Variants in LITAF observed in about 807,000 individuals in gnomAD.
LITAF encodes lipopolysaccharide-induced tumor necrosis factor-alpha factor.
A neutral mutation model predicts 14.5 loss-of-function variants in LITAF; 9 were observed. The observed-to-expected ratio is 0.62, with a 90% CI of 0.37 to 1.08. The LOEUF is 1.08. Ranked by LOEUF, LITAF falls within the 50% of genes least tolerant of loss-of-function variation. The pLI is 0.01. For synonymous variants in LITAF, 98 were observed against 88.2 expected, an observed-to-expected ratio of 1.11 and a Z score of -0.62; for missense variants, 206 against 213.4, an observed-to-expected ratio of 0.97 and a Z score of 0.22.
At chr16:11,557,370 C>T (rs990557221) in intron 1 of LITAF, among the ~76,000 whole-genome samples, 6 of 152,126 alleles carry the variant, frequency 3.9e-5, no homozygotes, top group East Asian at 1.9e-4. Context: ...GGGCTGGTTA[C>T]AGAGGTATGT....
chr16:11,628,664 G>A (rs2065099718), intron 3 of LITAF, among the ~76,000 whole-genome samples: 1 of 149,264 alleles, frequency 6.7e-6, no homozygotes, highest in African/African-American at 2.4e-5. Flanking sequence ...CACCACGGCT[G>A]GCTAATATTT....
intron 3 of LITAF, among the ~76,000 whole-genome samples, chr16:11,551,112 TGG>T (rs1567234052): frequency 6.6e-6 from 1 of 152,186 alleles, no homozygotes; most frequent in Non-Finnish European, 1.5e-5. Context: ...TTGCCAAAAA[TGG>T]AGTTAAAACT....
At chr16:11,602,704 A>G (rs531391082), upstream of LITAF, among the ~76,000 whole-genome samples, 15 of 150,754 alleles carry the variant, frequency 9.9e-5, no homozygotes, top group African/African-American at 3.7e-4. Context: ...TTTTATTTCT[A>G]TACGAGTGCC....
intron 1 of LITAF, among the ~76,000 whole-genome samples, chr16:11,572,915 T>G (rs919415969): frequency 6.8e-6 from 1 of 146,244 alleles, no homozygotes; most frequent in Non-Finnish European, 1.5e-5. Context: ...GTACCAATTT[T>G]CTGCACATCT....
At position 11,556,570 on chromosome 16, in the gene LITAF, T is replaced by C; in HGVS notation, c.161A>G (p.Lys54Arg). 1 of 1,614,182 alleles carries C rather than the reference T, an allele frequency of 6.2e-7. No individual in the cohort carries two copies. The highest frequency in any genetic ancestry group is 8.5e-7 in the Non-Finnish European group (1 of 1,180,036). The change falls in exon 2 of 4, where the codon AAG becomes AGG. Residue 54 changes from lysine to arginine, a missense_variant. By Grantham distance (26) the Lys-to-Arg change is conservative (BLOSUM62 2). Coordinates refer to ENST00000622633, the MANE Select transcript of LITAF (RefSeq NM_001136472.2). Reference protein sequence around the residue: ...TTGLVTGPDGKGMNPPSYYTQ... With the variant: ...TTGLVTGPDGRGMNPPSYYTQ... ...ATAATACGAAGGAGGATTCATGCCC[T>C]TCCCATCAGGCCCCGTCACAAGCCC...
chr16:11,574,174 T>G (rs569305104), intron 1 of LITAF, among the ~76,000 whole-genome samples: 34 of 152,062 alleles, frequency 2.2e-4, no homozygotes, highest in Non-Finnish European at 4.3e-4. Context: ...CCAGAGCAGC[T>G]AGAACTACAG....
At chr16:11,603,282 C>A (rs371965856), upstream of LITAF, among the ~76,000 whole-genome samples, 62 of 152,308 alleles carry the variant, frequency 4.1e-4, 2 homozygotes, top group Admixed American at 1.2e-3. Flanking sequence ...AGACCTTTAA[C>A]AATCTTTTAG....
intron 1 of LITAF, among the ~76,000 whole-genome samples, chr16:11,593,195 A>C (rs7203442): frequency 0.62 from 93,730 of 150,818 alleles, 30,206 homozygotes; most frequent in African/African-American, 0.8. Flanking sequence ...AATAAAAATA[A>C]AAATACAAAA....
At chr16:11,638,117 T>TCTATATAGATAGATAGATAGATAG (rs1555475731), upstream of LITAF, among the ~76,000 whole-genome samples, 1 of 69,534 alleles carries the variant, frequency 1.4e-5, no homozygotes, top group African/African-American at 9.6e-5. Context: ...TATCTATCTA[T>TCTATATAGATAGATAGATAGATAG]ATAGATAGAT....
intron 1 of LITAF, among the ~76,000 whole-genome samples, chr16:11,592,753 G>A (rs1241694939): frequency 6.6e-6 from 1 of 152,066 alleles, no homozygotes; most frequent in African/African-American, 2.4e-5. Flanking sequence ...AAAAAATTTG[G>A]GGTCGGGCAC....
chr16:11,581,449 C>A (rs953565488), intron 1 of LITAF, among the ~76,000 whole-genome samples: 2 of 152,100 alleles, frequency 1.3e-5, no homozygotes, highest in African/African-American at 4.8e-5. Context: ...GAGTTTGAGA[C>A]CAGCCTGGGT....
chr16:11,550,255 A>G (rs1193948940), intron 3 of LITAF, among the ~76,000 whole-genome samples: 2 of 152,096 alleles, frequency 1.3e-5, no homozygotes, highest in Non-Finnish European at 2.9e-5. Flanking sequence ...AGGCCCAGCT[A>G]ATTTTTTTAT....
intron 2 of LITAF, among the ~76,000 whole-genome samples, chr16:11,555,652 C>G (rs2064256580): frequency 7.7e-6 from 1 of 129,812 alleles, no homozygotes; most frequent in Admixed American, 8.7e-5. Flanking sequence ...TGGTGAGACC[C>G]TGTCTCAAAA....
chr16:11,556,449 C>T, intron 2 of LITAF, 62 bp downstream of exon 2: 2 of 1,458,284 alleles, frequency 1.4e-6, no homozygotes, highest in Non-Finnish European at 1.9e-6. Context: ...TTCGGTCACT[C>T]TCCTGATTCC....
At position 11,553,478 on chromosome 16, in the gene LITAF, C is replaced by T. The variant is rs2064214073; in HGVS notation, c.377+55G>A. 1 of 1,601,374 alleles carries T rather than the reference C, an allele frequency of 6.2e-7. No individual in the cohort carries two copies. The highest frequency in any genetic ancestry group is 1.3e-5 in the African/African-American group (1 of 74,822). Reference sequence around the variant, plus strand: ...GGTGCAGTTGAGAACCCACCCCCGCCAGCACCCAGAGAGAAGGGCAGGATG... The same window carrying T: ...GGTGCAGTTGAGAACCCACCCCCGCTAGCACCCAGAGAGAAGGGCAGGATG... On this transcript the variant is annotated intron_variant, in intron 3 of 3. Coordinates refer to ENST00000622633, the MANE Select transcript of LITAF (RefSeq NM_001136472.2). The surrounding 1 kb of genome is among the most constrained non-coding windows in gnomAD (Gnocchi z 7.7).
intron 1 of LITAF, among the ~76,000 whole-genome samples, chr16:11,560,382 G>A (rs1172420275): frequency 6.8e-6 from 1 of 146,660 alleles, no homozygotes; most frequent in Non-Finnish European, 1.5e-5. Flanking sequence ...AGGCTGAGAT[G>A]GGTGGATCAT....
chr16:11,619,142 C>G (rs2141890825), intron 3 of LITAF, among the ~76,000 whole-genome samples: 2 of 152,098 alleles, frequency 1.3e-5, no homozygotes, highest in East Asian at 3.9e-4. Flanking sequence ...AAAACCCCTT[C>G]TCTACTAAAA....
At chr16:11,588,177 T>C (rs9938948), upstream of LITAF, among the ~76,000 whole-genome samples, 875 of 152,188 alleles carry the variant, frequency 5.7e-3, 13 homozygotes, top group African/African-American at 0.02. Flanking sequence ...ATGTTATTAG[T>C]GTGGGCAACA....
chr16:11,628,780 G>A (rs187025711), intron 3 of LITAF, among the ~76,000 whole-genome samples: 5 of 152,156 alleles, frequency 3.3e-5, no homozygotes, highest in Admixed American at 3.3e-4. Context: ...GGGTTCCAGT[G>A]ATCCTCCTGC....
Sources: gnomAD v4.1 joint callset for allele counts (sites outside exome capture counted in the v4.1 genomes callset) on GRCh38, gnomAD v4.1.1 for gene constraint, Gnocchi (gnomAD v3.1) non-coding constraint, MANE v1.5 for transcripts, NCBI Gene and HGNC (gene_info 2026-07-23, HGNC 2026-07-21) for gene names.